Variants in CBX5 observed in about 807,000 individuals in gnomAD.
The protein encoded by CBX5 is chromobox protein homolog 5.
CBX5 carries 7 observed loss-of-function variants against 20.7 expected under a neutral mutation model. The observed-to-expected ratio is 0.34, with a 90% confidence interval of 0.19 to 0.63. CBX5 has a LOEUF of 0.63. Among genes scored for constraint, CBX5 ranks in the 30% least tolerant of loss-of-function variants. The pLI, the probability that CBX5 is intolerant of heterozygous loss-of-function variation, is 0.75. For missense variants in CBX5, 110 were observed against 224.1 expected, an observed-to-expected ratio of 0.49 and a Z score of 3.25; for synonymous variants, 78 against 77.0, an observed-to-expected ratio of 1.01 and a Z score of -0.07.
chr12:54,262,282 G>A (rs1192696481), intron 1 of CBX5, among the ~76,000 whole-genome samples: 3 of 152,186 alleles, frequency 2.0e-5, no homozygotes, highest in Non-Finnish European at 4.4e-5. Flanking sequence ...ATTTAATGAG[G>A]AAAGAGACAA....
intron 2 of CBX5, among the ~76,000 whole-genome samples, chr12:54,256,469 A>G (rs1298286161): frequency 6.6e-6 from 1 of 152,214 alleles, no homozygotes; most frequent in Non-Finnish European, 1.5e-5. Flanking sequence ...TATGTTTCAA[A>G]GGTTCTTGAC....
At chr12:54,270,983 A>C (rs1944003763) in intron 1 of CBX5, among the ~76,000 whole-genome samples, 1 of 152,228 alleles carries the variant, frequency 6.6e-6, no homozygotes, top group South Asian at 2.1e-4. Context: ...ACTTGAGCCC[A>C]GGAGTTTCAG....
At chr12:54,257,380 CTG>C (rs1223536259) in intron 2 of CBX5, 132 bp downstream of exon 2, 1 of 798,064 alleles carries the variant, frequency 1.3e-6, no homozygotes, top group Non-Finnish European at 2.0e-6. Flanking sequence ...TTCTTTACTG[CTG>C]TGTCTTCTAA....
chr12:54,265,047 C>T (rs983545790), intron 1 of CBX5, among the ~76,000 whole-genome samples: 2 of 152,054 alleles, frequency 1.3e-5, no homozygotes, highest in African/African-American at 2.4e-5. Flanking sequence ...CAGAGGAGAG[C>T]GCATATGCAA....
At chr12:54,277,491 C>G (rs1944081073) in intron 1 of CBX5, among the ~76,000 whole-genome samples, 1 of 152,174 alleles carries the variant, frequency 6.6e-6, no homozygotes, top group South Asian at 2.1e-4. Flanking sequence ...AGACATGAGC[C>G]ACCACGCTCA....
rs570015446 is a variant in CBX5, at chr12:54,232,440, C to A, written c.*9315G>T. The A allele has an allele frequency of 2.6e-5, 4 of 152,266 alleles. No homozygotes were observed. The highest frequency in any genetic ancestry group is 1.9e-4 in the East Asian group (1 of 5,186). 9.4% of individuals were successfully genotyped at this position (152,266 alleles called of 1,614,324 possible). The stretch of plus-strand genomic sequence containing the variant: ...TGATTTACAATGCCTCACAACAACA[C>A]CCCTGTGAGGTAGGTCAGTATTATT... On this transcript the variant is annotated 3_prime_UTR_variant, in exon 5 of 5. Coordinates refer to ENST00000209875, the MANE Select transcript of CBX5 (RefSeq NM_012117.3).
intron 2 of CBX5, among the ~76,000 whole-genome samples, chr12:54,254,810 G>A (rs1351265383): frequency 6.6e-6 from 1 of 151,916 alleles, no homozygotes; most frequent in Admixed American, 6.6e-5. Flanking sequence ...CCAAGATCAC[G>A]CCATTGCACA....
chr12:54,263,473 G>A (rs1418785545), intron 1 of CBX5, among the ~76,000 whole-genome samples: 1 of 152,014 alleles, frequency 6.6e-6, no homozygotes, highest in Non-Finnish European at 1.5e-5. Flanking sequence ...AGCGGCTCTC[G>A]CCTGTAATCC....
In CBX5 at chr12:54,246,324, T is replaced by C. The variant is rs1943735550; in HGVS notation, c.325-109A>G. ...TAAGTTAATATCTCCTGATATCATT[T>C]CTTTCACCAATTCAGAAAAATTTTT... On this transcript the variant is annotated intron_variant, in intron 3 of 4. Coordinates refer to ENST00000209875, the MANE Select transcript of CBX5 (RefSeq NM_012117.3). 7 of 809,626 alleles carry C rather than the reference T, an allele frequency of 8.6e-6. No homozygotes were observed. In the South Asian group the frequency reaches 1.0e-4, roughly 12 times the overall value. The allele number at this position is 809,626 out of a possible 1,614,324, so 50.2% of individuals were successfully genotyped here.
Position 54,241,749 on chromosome 12 carries a change from C to G in CBX5, c.*6G>C. ...CAAAGAGAAATGACAGAGACCATCC[C>G]CTCCTTTAGCTCTTTGCTGTTTCTT... On this transcript the variant is annotated 3_prime_UTR_variant, in exon 5 of 5. Transcript: ENST00000209875. 1.2e-6 allele frequency: 2 copies of G among 1,607,586 alleles called. No individual in the cohort carries two copies. The highest frequency in any genetic ancestry group is 1.7e-6 in the Non-Finnish European group (2 of 1,178,206).
In CBX5 at chr12:54,238,213, T is replaced by G. The variant is rs571730539; in HGVS notation, c.*3542A>C. 1.4e-4 allele frequency: 21 copies of G among 151,644 alleles called. No homozygotes were observed. The highest frequency in any genetic ancestry group is 4.4e-4 in the African/African-American group (18 of 41,312). 9.4% of individuals were successfully genotyped at this position (151,644 alleles called of 1,614,324 possible). A position where few individuals can be genotyped will look rare whatever the true frequency, so the allele number is the denominator to read the frequency against. ...AAAAAAAATAAATAAATAATAGAGG[T>G]GAATGTCTGCATTAGGATCAAGACA... On this transcript the variant is annotated 3_prime_UTR_variant, in exon 5 of 5. Transcript: ENST00000209875.
chr12:54,268,319 G>A (rs1411844371), intron 1 of CBX5, among the ~76,000 whole-genome samples: 1 of 152,168 alleles, frequency 6.6e-6, no homozygotes, highest in East Asian at 1.9e-4. Context: ...GTCTTTTCAA[G>A]TGTCTCTATT....
chr12:54,252,065 G>A lies in CBX5; in HGVS notation c.300C>T (p.Asp100=), dbSNP rs1248365166. ...CCTCTCTCTTTTTTTTAGATTTGAT[G>A]TCATCGGCACTGTTTGAGAAATTGG... is the stretch of plus-strand genomic sequence containing the variant. The part of the protein sequence containing the change: ...RKSNFSNSAD[D]IKSKKKREQS... Residue 100 remains aspartate, a synonymous_variant, in exon 3 of 5, where the codon GAC becomes GAT. Transcript: ENST00000209875. 1 of 1,589,390 alleles carries A rather than the reference G, an allele frequency of 6.3e-7. No individual in the cohort carries two copies. Among genetic ancestry groups the A allele is most frequent in the Non-Finnish European group, 8.5e-7 (1 of 1,171,260 alleles).
Position 54,238,412 on chromosome 12 carries a change from T to C in CBX5, c.*3343A>G, listed in dbSNP as rs965939274. On this transcript the variant is annotated 3_prime_UTR_variant, in exon 5 of 5. Coordinates refer to ENST00000209875, the MANE Select transcript of CBX5 (RefSeq NM_012117.3). ...TATTTGAAAAGGCAGCAGGAGTTGA[T>C]AGAAAACATAACTAAAAAAGTAGAA... 6 of 152,126 alleles carry C rather than the reference T, an allele frequency of 3.9e-5. No homozygotes were observed. Among genetic ancestry groups the C allele is most frequent in the Non-Finnish European group, 8.8e-5 (6 of 68,034 alleles). 9.4% of individuals were successfully genotyped at this position (152,126 alleles called of 1,614,324 possible). A position where few individuals can be genotyped will look rare whatever the true frequency, so the allele number is the denominator to read the frequency against.
chr12:54,239,826 A>C lies in CBX5; in HGVS notation c.*1929T>G, dbSNP rs1943657961. 1 of 152,224 alleles carries C rather than the reference A, an allele frequency of 6.6e-6. No individual in the cohort carries two copies. Among genetic ancestry groups the C allele is most frequent in the African/African-American group, 2.4e-5 (1 of 41,466 alleles). 9.4% of individuals were successfully genotyped at this position (152,224 alleles called of 1,614,324 possible). The stretch of plus-strand genomic sequence containing the variant: ...GCTGTCACCTCAATTATGCAGTATA[A>C]TTTTTGACATAATTTATATAAGCAC... On this transcript the variant is annotated 3_prime_UTR_variant, in exon 5 of 5. Transcript: ENST00000209875.
chr12:54,275,753 C>A (rs1944058216), intron 1 of CBX5, among the ~76,000 whole-genome samples: 2 of 151,796 alleles, frequency 1.3e-5, no homozygotes, highest in South Asian at 2.1e-4. Flanking sequence ...CACCTGTAAT[C>A]CCAGCACTTT....
rs1457851531 is a variant in CBX5 at position 54,240,031 on chromosome 12, T to C, written c.*1724A>G. The C allele has an allele frequency of 6.6e-6, 1 of 152,108 alleles. No individual in the cohort carries two copies. The highest frequency in any genetic ancestry group is 1.5e-5 in the Non-Finnish European group (1 of 68,016). 9.4% of individuals were successfully genotyped at this position (152,108 alleles called of 1,614,324 possible). A position where few individuals can be genotyped will look rare whatever the true frequency, so the allele number is the denominator to read the frequency against. ...GCCAGACAGCTGTATGTTTTAAAAA[T>C]CAAAAACAACAAGAAAAGCAGCCTC... On this transcript the variant is annotated 3_prime_UTR_variant, in exon 5 of 5. Transcript: ENST00000209875.
At position 54,231,519 on chromosome 12, in the gene CBX5, A is replaced by T. The variant is rs1943568970; in HGVS notation, c.*10236T>A. On this transcript the variant is annotated 3_prime_UTR_variant, in exon 5 of 5. Coordinates refer to ENST00000209875, the MANE Select transcript of CBX5 (RefSeq NM_012117.3). Reference sequence around the variant, plus strand: ...CAGAATGTGACCGCAAGGAGCCAGGACCTTGTGCTTTTTCATGGATTACAA... The same window carrying T: ...CAGAATGTGACCGCAAGGAGCCAGGTCCTTGTGCTTTTTCATGGATTACAA... 1 of 154,628 alleles carries T rather than the reference A, an allele frequency of 6.5e-6. No homozygotes were observed. The highest frequency in any genetic ancestry group is 1.5e-5 in the Non-Finnish European group (1 of 68,104). 9.6% of individuals were successfully genotyped at this position (154,628 alleles called of 1,614,324 possible).
intron 1 of CBX5, among the ~76,000 whole-genome samples, chr12:54,278,156 T>C (rs1003839446): frequency 2.0e-5 from 3 of 152,168 alleles, no homozygotes; most frequent in African/African-American, 7.2e-5. Context: ...TGGCATACAG[T>C]GGGTAGAGGC....
Sources: allele counts gnomAD v4.1 joint callset (sites outside exome capture counted in the v4.1 genomes callset), GRCh38; gene constraint gnomAD v4.1.1; transcripts MANE v1.5; gene names NCBI Gene and HGNC (gene_info 2026-07-23, HGNC 2026-07-21).